Variants in CRIM1 observed in about 807,000 individuals in gnomAD.
The protein encoded by CRIM1 is cysteine rich transmembrane BMP regulator 1, also known as cysteine-rich motor neuron 1 protein.
CRIM1 carries 32 observed loss-of-function variants against 116.4 expected under a neutral mutation model. The observed-to-expected ratio is 0.27, with a 90% CI of 0.21 to 0.37. The LOEUF (loss-of-function observed/expected upper bound fraction) is 0.37, where lower values mean the gene tolerates loss of function less well. Among genes scored for constraint, CRIM1 ranks in the 10% least tolerant of loss-of-function variants. The pLI is 1.00. For synonymous variants in CRIM1, 590 were observed against 509.2 expected, an observed-to-expected ratio of 1.16 and a Z score of -2.13; for missense variants, 1,331 against 1,354.8, an observed-to-expected ratio of 0.98 and a Z score of 0.28.
chr2:36,362,880 C>T (rs6757374), intron 1 of CRIM1, among the ~76,000 whole-genome samples: 27,777 of 151,948 alleles, frequency 0.18, 3,365 homozygotes, highest in African/African-American at 0.32. Flanking sequence ...AAAATACCTA[C>T]ATGTTGGTGG....
In CRIM1 at chr2:36,374,421, T is replaced by C. The variant is rs548571721; in HGVS notation, c.331+17798T>C. ...TAGAAGAAACAATTATCTAAAATGC[T>C]CTTGTTCCAAACACAAAAACTAGCT... is the stretch of plus-strand genomic sequence containing the variant. On this transcript the variant is annotated intron_variant, in intron 1 of 16. Coordinates refer to ENST00000280527, the MANE Select transcript of CRIM1 (RefSeq NM_016441.3). 2.6e-3 allele frequency among the ~76,000 whole-genome samples: 391 copies of C among 152,334 alleles called. 1 individual carries two copies. The highest frequency in any genetic ancestry group is 9.3e-3 in the African/African-American group (385 of 41,580).
intron 1 of CRIM1, among the ~76,000 whole-genome samples, chr2:36,383,627 C>T (rs1241370653): frequency 2.0e-5 from 3 of 152,120 alleles, no homozygotes; most frequent in African/African-American, 7.2e-5. Flanking sequence ...ATGAGGGAAG[C>T]AGTTTCTGCT....
At chr2:36,457,699 G>C (rs1170431577) in intron 4 of CRIM1, among the ~76,000 whole-genome samples, 1 of 151,976 alleles carries the variant, frequency 6.6e-6, no homozygotes, top group Non-Finnish European at 1.5e-5. Context: ...TCCATAAGAA[G>C]GGTTGGACCC....
intron 1 of CRIM1, among the ~76,000 whole-genome samples, chr2:36,390,388 C>T (rs1290819590): frequency 6.6e-6 from 1 of 152,208 alleles, no homozygotes; most frequent in East Asian, 1.9e-4. Flanking sequence ...CCCAGGTGAG[C>T]TGTCCCTGGC....
chr2:36,431,381 T>C (rs1336375169), intron 2 of CRIM1, among the ~76,000 whole-genome samples: 1 of 152,226 alleles, frequency 6.6e-6, no homozygotes, highest in Admixed American at 6.5e-5. Flanking sequence ...GTACACTCTA[T>C]TCAGCACCCT....
intron 1 of CRIM1, among the ~76,000 whole-genome samples, chr2:36,384,529 T>C (rs1243230384): frequency 6.6e-6 from 1 of 152,218 alleles, no homozygotes; most frequent in Non-Finnish European, 1.5e-5. Flanking sequence ...TAAATATGTT[T>C]TTCAAACATG....
chr2:36,426,876 C>T (rs781682145), intron 2 of CRIM1, among the ~76,000 whole-genome samples: 1 of 152,106 alleles, frequency 6.6e-6, no homozygotes, highest in Non-Finnish European at 1.5e-5. Flanking sequence ...AAATGACTTT[C>T]CTGAAAATGA....
chr2:36,407,952 C>T (rs964202759), intron 2 of CRIM1, among the ~76,000 whole-genome samples: 7 of 152,114 alleles, frequency 4.6e-5, no homozygotes, highest in East Asian at 1.9e-4. Context: ...TAACTCTTAA[C>T]TCTGAGCTTT....
At chr2:36,494,336 C>T (rs953497650) in intron 7 of CRIM1, among the ~76,000 whole-genome samples, 23 of 152,100 alleles carry the variant, frequency 1.5e-4, no homozygotes, top group Non-Finnish European at 1.8e-4. Context: ...AAAATACTAA[C>T]ATTTTCCTGG....
chr2:36,496,077 T>C (rs1293066292), intron 7 of CRIM1, among the ~76,000 whole-genome samples: 1 of 152,060 alleles, frequency 6.6e-6, no homozygotes, highest in Admixed American at 6.6e-5. Context: ...TGTGTACAAC[T>C]CAACAGTTAC....
At position 36,356,243 on chromosome 2, in the gene CRIM1, G is replaced by A. The variant is rs1668782982; in HGVS notation, c.-50G>A. On this transcript the variant is annotated 5_prime_UTR_variant, in exon 1 of 17. Coordinates refer to ENST00000280527, the MANE Select transcript of CRIM1 (RefSeq NM_016441.3). This position sits in a 1 kb window ranked among gnomAD's most constrained non-coding sequence, Gnocchi z 4.3. Reference sequence around the variant, plus strand: ...GTGCCCCGCGCAGGGGAGGGCGCCCGCCCCGCTCCCGGCCCGGCTGCGAGG... The same window carrying A: ...GTGCCCCGCGCAGGGGAGGGCGCCCACCCCGCTCCCGGCCCGGCTGCGAGG... 1.7e-6 allele frequency: 2 copies of A among 1,156,812 alleles called. No homozygotes were observed. The highest frequency in any genetic ancestry group is 2.3e-6 in the Non-Finnish European group (2 of 876,128). The allele number at this position is 1,156,812 out of a possible 1,614,324, so 71.7% of individuals were successfully genotyped here. A position where few individuals can be genotyped will look rare whatever the true frequency, so the allele number is the denominator to read the frequency against.
intron 8 of CRIM1, among the ~76,000 whole-genome samples, chr2:36,507,184 A>G (rs75227047): frequency 0.031 from 4,741 of 152,264 alleles, 247 homozygotes; most frequent in African/African-American, 0.11. Context: ...AATGTTTGCT[A>G]TGATGATGCA....
chr2:36,411,869 A>G (rs1294975906), intron 2 of CRIM1, among the ~76,000 whole-genome samples: 2 of 152,210 alleles, frequency 1.3e-5, no homozygotes, highest in African/African-American at 2.4e-5. Flanking sequence ...CTTTGTAAAT[A>G]GCTTATAGAG....
At chr2:36,464,052 A>G (rs1047710253) in intron 4 of CRIM1, among the ~76,000 whole-genome samples, 22 of 152,308 alleles carry the variant, frequency 1.4e-4, no homozygotes, top group Admixed American at 1.2e-3. Flanking sequence ...TAATAACTTA[A>G]TCATTGAACC....
Position 36,548,778 on chromosome 2 carries a change from C to A in CRIM1, c.*77C>A. 7.9e-7 allele frequency: 1 copy of A among 1,260,764 alleles called. No homozygotes were observed. The highest frequency in any genetic ancestry group is 1.1e-6 in the Non-Finnish European group (1 of 905,738). The allele number at this position is 1,260,764 out of a possible 1,614,324, so 78.1% of individuals were successfully genotyped here. ...TCTAAAAAGTAAACTAGAATTTGTG[C>A]ACTTGCTTAGTGGATTGTATTGGAT... On this transcript the variant is annotated 3_prime_UTR_variant, in exon 17 of 17. Transcript: ENST00000280527.
At chr2:36,535,809 A>C (rs1244976951) in intron 13 of CRIM1, among the ~76,000 whole-genome samples, 1 of 152,260 alleles carries the variant, frequency 6.6e-6, no homozygotes, top group African/African-American at 2.4e-5. Flanking sequence ...ATATTTTTAA[A>C]AACATACAAA....
At position 36,358,619 on chromosome 2, in the gene CRIM1, C is replaced by T. The variant is rs1669014146; in HGVS notation, c.331+1996C>T. On this transcript the variant is annotated intron_variant, in intron 1 of 16. Coordinates refer to ENST00000280527, the MANE Select transcript of CRIM1 (RefSeq NM_016441.3). ...GTGATCCCTCATAGCTTCCTTTTTT[C>T]TGGCAACACCCTGTGTGCTTGGTAT... 1.3e-5 allele frequency among the ~76,000 whole-genome samples: 2 copies of T among 152,220 alleles called. 1 individual carries two copies. Among genetic ancestry groups the T allele is most frequent in the Admixed American group, 1.3e-4 (2 of 15,298 alleles).
chr2:36,498,029 C>T (rs976253624), intron 7 of CRIM1, among the ~76,000 whole-genome samples: 2 of 152,140 alleles, frequency 1.3e-5, no homozygotes, highest in African/African-American at 2.4e-5. Context: ...CTCTCTGCAC[C>T]TCATATTTTC....
intron 2 of CRIM1, among the ~76,000 whole-genome samples, chr2:36,430,567 G>T (rs893164510): frequency 6.6e-6 from 1 of 152,176 alleles, no homozygotes; most frequent in Non-Finnish European, 1.5e-5. Context: ...AGTCGTGGTG[G>T]ATACCCAAAG....
Sources: allele counts gnomAD v4.1 joint callset (sites outside exome capture counted in the v4.1 genomes callset), GRCh38; gene constraint gnomAD v4.1.1; non-coding constraint Gnocchi (gnomAD v3.1); transcripts MANE v1.5; gene names NCBI Gene and HGNC (gene_info 2026-07-23, HGNC 2026-07-21).